The following THRB variants were observed in gnomAD, a reference collection of about 807,000 sequenced individuals.
The protein encoded by THRB is thyroid hormone receptor beta, also known as nuclear receptor subfamily 1 group A member 2.
A neutral mutation model predicts 47.8 loss-of-function variants in THRB; 12 were observed. The observed-to-expected ratio is 0.25, with a 90% CI of 0.16 to 0.41. The LOEUF is 0.41. THRB is among the 10% of genes least tolerant of loss of function. The pLI, the probability that THRB is intolerant of heterozygous loss-of-function variation, is 1.00. For missense variants in THRB, 348 were observed against 589.2 expected (o/e 0.59, Z 4.24); for synonymous variants, 218 against 212.2 (o/e 1.03, Z -0.24).
At chr3:24,450,837 T>G (rs1482245012) in intron 1 of THRB, among the ~76,000 whole-genome samples, 1 of 152,212 alleles carries the variant, frequency 6.6e-6, no homozygotes. Context: ...GCAGTCAGTG[T>G]GCTGCAGCAG....
intron 3 of THRB, among the ~76,000 whole-genome samples, chr3:24,239,882 A>G (rs2049304097): frequency 6.6e-6 from 1 of 152,162 alleles, no homozygotes; most frequent in Admixed American, 6.6e-5. Flanking sequence ...GTGTTTCAGT[A>G]ATATTTTTTA....
chr3:24,220,413 C>T (rs1191427840), intron 4 of THRB, among the ~76,000 whole-genome samples: 1 of 152,108 alleles, frequency 6.6e-6, no homozygotes, highest in Non-Finnish European at 1.5e-5. Flanking sequence ...ATCACACGAG[C>T]CTGGAAGGTG....
Position 24,143,717 on chromosome 3 carries a change from G to A in THRB, c.533-11C>T. Reference sequence around the variant, plus strand: ...TGTCATCCAGCACCACTGGGAGGGGGAGAAAGATGAGACAAGGCACACAGA... The same window carrying A: ...TGTCATCCAGCACCACTGGGAGGGGAAGAAAGATGAGACAAGGCACACAGA... On this transcript the variant is annotated splice_polypyrimidine_tract_variant and intron_variant, in intron 7 of 10. Transcript: ENST00000646209. 1 of 1,613,846 alleles carries A rather than the reference G, an allele frequency of 6.2e-7. No individual in the cohort carries two copies. Among genetic ancestry groups the A allele is most frequent in the South Asian group, 1.1e-5 (1 of 91,062 alleles).
chr3:24,150,134 G>A (rs1011398797), intron 6 of THRB, among the ~76,000 whole-genome samples: 1 of 152,200 alleles, frequency 6.6e-6, no homozygotes, highest in Non-Finnish European at 1.5e-5. Flanking sequence ...TACAAAAGAT[G>A]TGTAAAAACT....
At chr3:24,450,773 AC>A (rs2072572874) in intron 1 of THRB, among the ~76,000 whole-genome samples, 1 of 152,180 alleles carries the variant, frequency 6.6e-6, no homozygotes, top group Non-Finnish European at 1.5e-5. Flanking sequence ...CATACAGTCA[AC>A]TGGTGTGAAG....
intron 1 of THRB, among the ~76,000 whole-genome samples, chr3:24,467,136 A>T (rs925504571): frequency 5.9e-5 from 9 of 152,248 alleles, no homozygotes; most frequent in Admixed American, 6.5e-5. Flanking sequence ...AGTAGATTAC[A>T]TTTCAAGTGA....
chr3:24,259,620 CTTTT>C (rs10671187), intron 3 of THRB, among the ~76,000 whole-genome samples: 29 of 98,256 alleles, frequency 3.0e-4, no homozygotes, highest in African/African-American at 9.4e-4. Context: ...CTCTGCTTAC[CTTTT>C]TTTTTTTTTT....
intron 1 of THRB, among the ~76,000 whole-genome samples, chr3:24,429,866 CTTAG>C (rs1560166130): frequency 6.6e-6 from 1 of 151,878 alleles, no homozygotes; most frequent in South Asian, 2.1e-4. Flanking sequence ...ATATCCAAAA[CTTAG>C]TTAGAAATTA....
intron 3 of THRB, among the ~76,000 whole-genome samples, chr3:24,288,584 A>T (rs1465955017): frequency 6.6e-6 from 1 of 152,162 alleles, no homozygotes; most frequent in Non-Finnish European, 1.5e-5. Flanking sequence ...AGGCTGCCAA[A>T]GGATGTTTTT....
intron 2 of THRB, among the ~76,000 whole-genome samples, chr3:24,321,271 AGAG>A (rs1296543222): frequency 6.6e-6 from 1 of 152,114 alleles, no homozygotes; most frequent in Non-Finnish European, 1.5e-5. Flanking sequence ...GCATCCATTC[AGAG>A]GAGGCCCAAA....
rs1335286510 is a variant in THRB, at chr3:24,117,974, C to T, written c.*4910G>A. The T allele has an allele frequency of 2.6e-5, 4 of 152,190 alleles. No homozygotes were observed. The highest frequency in any genetic ancestry group is 6.5e-5 in the Admixed American group (1 of 15,274). 9.4% of individuals were successfully genotyped at this position (152,190 alleles called of 1,614,324 possible). On this transcript the variant is annotated 3_prime_UTR_variant, in exon 11 of 11. Transcript: ENST00000646209. The stretch of plus-strand genomic sequence containing the variant: ...CTGCAAAACTTCACCTCTCTCCTCC[C>T]TTCATCTTTGTGGCCCCTTCCAAAG...
At chr3:24,165,652 T>C in intron 5 of THRB, 1 of 262,202 alleles carries the variant, frequency 3.8e-6, no homozygotes, top group African/African-American at 2.2e-5. Flanking sequence ...AAGCTGTGCA[T>C]GCAGCTAGTT....
At chr3:24,314,420 A>G (rs1361873432) in intron 2 of THRB, among the ~76,000 whole-genome samples, 1 of 152,220 alleles carries the variant, frequency 6.6e-6, no homozygotes, top group Non-Finnish European at 1.5e-5. Context: ...ATCTAAAACA[A>G]GAGATCTTTA....
chr3:24,340,204 G>T (rs1002269620), intron 1 of THRB, among the ~76,000 whole-genome samples: 1 of 152,146 alleles, frequency 6.6e-6, no homozygotes, highest in South Asian at 2.1e-4. Flanking sequence ...GAATGAAATT[G>T]CACAGAACAA....
intron 1 of THRB, among the ~76,000 whole-genome samples, chr3:24,479,891 G>A (rs1696107956): frequency 6.6e-6 from 1 of 152,136 alleles, no homozygotes; most frequent in Non-Finnish European, 1.5e-5. Context: ...CCAAGTGATA[G>A]TCCTGAAATG....
intron 5 of THRB, among the ~76,000 whole-genome samples, chr3:24,162,031 C>A (rs1034447050): frequency 6.6e-6 from 1 of 152,086 alleles, no homozygotes. Flanking sequence ...TCAACAGACC[C>A]GGCTGGTCCA....
intron 1 of THRB, among the ~76,000 whole-genome samples, chr3:24,417,720 G>A (rs546393418): frequency 6.1e-4 from 93 of 151,998 alleles, no homozygotes; most frequent in Admixed American, 3.9e-3. Flanking sequence ...AGTCATTCTA[G>A]CTTTGACTTC....
rs1189605034 is a variant in THRB, at chr3:24,197,273, C to T, written c.23-6939G>A. Among the ~76,000 whole-genome samples, 7 of 152,332 alleles carry T rather than the reference C, an allele frequency of 4.6e-5. No individual in the cohort carries two copies. The East Asian group carries it at 1.3e-3, about 29-fold the overall frequency. On this transcript the variant is annotated intron_variant, in intron 4 of 10. Coordinates refer to ENST00000646209, the MANE Select transcript of THRB (RefSeq NM_001354712.2). Reference sequence around the variant, plus strand: ...TATGGACTACCAATAGGATTGTTCTCCCAGAAGTGCTGGTGAAAATGAAAC... The same window carrying T: ...TATGGACTACCAATAGGATTGTTCTTCCAGAAGTGCTGGTGAAAATGAAAC...
intron 1 of THRB, among the ~76,000 whole-genome samples, chr3:24,399,387 A>T (rs2067226406): frequency 6.6e-6 from 1 of 152,042 alleles, no homozygotes; most frequent in Admixed American, 6.6e-5. Flanking sequence ...ACTGGGAAAA[A>T]ATGTATTACC....
Sources: gnomAD v4.1 joint callset for allele counts (sites outside exome capture counted in the v4.1 genomes callset) on GRCh38, gnomAD v4.1.1 for gene constraint, MANE v1.5 for transcripts, NCBI Gene and HGNC (gene_info 2026-07-23, HGNC 2026-07-21) for gene names.